Variants in LARP6 observed in about 807,000 individuals in gnomAD.
The protein encoded by LARP6 is La ribonucleoprotein 6, translational regulator.
A neutral mutation model predicts 32.8 loss-of-function variants in LARP6; 18 were observed. The ratio of observed to expected loss-of-function variants is 0.55; its 90% CI spans 0.38 to 0.81. LARP6 has a LOEUF of 0.81. Ranked by LOEUF, LARP6 falls within the 40% of genes least tolerant of loss-of-function variation. The pLI, the probability that LARP6 is intolerant of heterozygous loss-of-function variation, is 0.00. For synonymous variants in LARP6, 289 were observed against 267.2 expected (o/e 1.08, Z -0.80); for missense variants, 598 against 663.1 (o/e 0.90, Z 1.08).
intron 1 of LARP6, among the ~76,000 whole-genome samples, chr15:70,836,707 C>G (rs1438704151): frequency 1.3e-5 from 2 of 152,030 alleles, no homozygotes; most frequent in African/African-American, 2.4e-5. Flanking sequence ...GGGTCCTTAC[C>G]AAAGGGGTAA....
chr15:70,840,901 C>A (rs1298931792), intron 1 of LARP6, among the ~76,000 whole-genome samples: 1 of 142,966 alleles, frequency 7.0e-6, no homozygotes, highest in Admixed American at 8.1e-5. Context: ...AGTATAATTT[C>A]TCTTTTCTCT....
At position 70,832,024 on chromosome 15, in the gene LARP6, T is replaced by TG. The variant is rs1456848859; in HGVS notation, c.*27dup. The TG allele has an allele frequency of 3.5e-6, 5 of 1,429,276 alleles. No homozygotes were observed. Among genetic ancestry groups the TG allele is most frequent in the Non-Finnish European group, 3.7e-6 (4 of 1,074,718 alleles). 88.5% of individuals were successfully genotyped at this position (1,429,276 alleles called of 1,614,324 possible). On this transcript the variant is annotated 3_prime_UTR_variant, in exon 3 of 3. Transcript: ENST00000299213. ...CCTTGAAAACGAAGGTGGTTTTCAGTGGAGCTTGTATTAAAAATAGAAGGT... is the reference window on the plus strand; with the variant it reads ...CCTTGAAAACGAAGGTGGTTTTCAGTGGGAGCTTGTATTAAAAATAGAAGGT...
intron 1 of LARP6, chr15:70,851,618 C>T (rs2032455080): frequency 6.2e-7 from 1 of 1,609,040 alleles, no homozygotes; most frequent in Non-Finnish European, 8.5e-7. Flanking sequence ...TAGAGATACG[C>T]ATTCAGTCAA....
At chr15:70,853,861 C>T in intron 1 of LARP6, 28 bp downstream of exon 1, 1 of 1,239,604 alleles carries the variant, frequency 8.1e-7, no homozygotes. Flanking sequence ...CCTCGGGGCC[C>T]ACCTCCCGGG....
chr15:70,840,760 G>C lies in LARP6; in HGVS notation c.201-4255C>G, dbSNP rs192555529. 2.0e-3 allele frequency among the ~76,000 whole-genome samples: 298 copies of C among 152,190 alleles called. 2 individuals are homozygous for C. The highest frequency in any genetic ancestry group is 6.6e-3 in the African/African-American group (276 of 41,530). On this transcript the variant is annotated intron_variant, in intron 1 of 2. Coordinates refer to ENST00000299213, the MANE Select transcript of LARP6 (RefSeq NM_018357.4). ...TACAAATAGCTAGTATCTCAGAAGT[G>C]ACTGCACTACGAAAGGGACCCCTGT...
At chr15:70,842,984 T>C (rs8030892) in intron 1 of LARP6, among the ~76,000 whole-genome samples, 79,251 of 152,042 alleles carry the variant, frequency 0.52, 21,676 homozygotes, top group Admixed American at 0.71. Context: ...AGCCTTCAAA[T>C]GGGAAAAGAT....
intron 1 of LARP6, among the ~76,000 whole-genome samples, chr15:70,847,512 G>T (rs746389719): frequency 6.6e-6 from 1 of 152,038 alleles, no homozygotes; most frequent in Admixed American, 6.6e-5. Context: ...TGGGACTACA[G>T]GTGCGCACCA....
chr15:70,852,191 C>T, intron 1 of LARP6: 1 of 424,240 alleles, frequency 2.4e-6, no homozygotes, highest in South Asian at 1.7e-5. Context: ...TCTCCTCCTG[C>T]TCTGGGTGCC....
intron 1 of LARP6, among the ~76,000 whole-genome samples, chr15:70,847,345 A>T (rs796579561): frequency 1.6e-4 from 25 of 152,182 alleles, no homozygotes; most frequent in African/African-American, 6.0e-4. Flanking sequence ...TAAAACAGGT[A>T]ATTGGGTTCC....
chr15:70,832,844 T>C lies in LARP6; in HGVS notation c.684A>G (p.Ser228=), dbSNP rs747856303. The C allele has an allele frequency of 1.2e-6, 2 of 1,612,924 alleles. No homozygotes were observed. Among genetic ancestry groups the C allele is most frequent in the South Asian group, 2.2e-5 (2 of 90,862 alleles). ...LKLFGTFGVI[S]SVRILKPGRE... ...TCCCAGGTTTGAGGATCCGCACTGA[T>C]GAGATGACTCCAAAAGTCCCAAAAA... Residue 228 remains serine (S), a synonymous_variant, in exon 3 of 3, where the codon TCA becomes TCG. Coordinates refer to ENST00000299213, the MANE Select transcript of LARP6 (RefSeq NM_018357.4).
At position 70,832,877 on chromosome 15, in the gene LARP6, C is replaced by T. The variant is rs2032079691; in HGVS notation, c.651G>A (p.Leu217=). The change falls in exon 3 of 3, where the codon CTG becomes CTA. Residue 217 remains leucine, a synonymous_variant. Coordinates refer to ENST00000299213, the MANE Select transcript of LARP6 (RefSeq NM_018357.4). ...GRVQEKVMEH[L]LKLFGTFGVI... The stretch of plus-strand genomic sequence containing the variant: ...CTCCAAAAGTCCCAAAAAGCTTGAG[C>T]AGGTGTTCCATCACCTTCTCTTGCA... The T allele has an allele frequency of 1.2e-6, 2 of 1,609,018 alleles. No homozygotes were observed. The highest frequency in any genetic ancestry group is 1.1e-5 in the South Asian group (1 of 90,064).
At position 70,832,811 on chromosome 15, in the gene LARP6, C is replaced by A. The variant is rs754090085; in HGVS notation, c.717G>T (p.Leu239=). The A allele has an allele frequency of 3.1e-6, 5 of 1,612,634 alleles. No individual in the cohort carries two copies. Among genetic ancestry groups the A allele is most frequent in the South Asian group, 1.1e-5 (1 of 90,826 alleles). ...SVRILKPGRE[L]PPDIRRISSR... is the part of the protein sequence containing the mutation. ...TGCTGATCCTCCGGATGTCAGGGGG[C>A]AGCTCTCTCCCAGGTTTGAGGATCC... is the stretch of plus-strand genomic sequence containing the variant. Residue 239 remains leucine (L), a synonymous_variant, in exon 3 of 3, where the codon CTG becomes CTT. Coordinates refer to ENST00000299213, the MANE Select transcript of LARP6 (RefSeq NM_018357.4).
Position 70,832,103 on chromosome 15 carries a change from A to G in LARP6, c.1425T>C (p.Pro475=). 1 of 1,572,516 alleles carries G rather than the reference A, an allele frequency of 6.4e-7. No homozygotes were observed. Among genetic ancestry groups the G allele is most frequent in the Non-Finnish European group, 8.6e-7 (1 of 1,160,220 alleles). Residue 475 remains proline, a synonymous_variant, in exon 3 of 3, where the codon CCT becomes CCC. Transcript: ENST00000299213. ...PVGVLRLPRG[P]DNTRGFHGHE... Reference sequence around the variant, plus strand: ...GGCCATGAAATCCTCTGGTGTTGTCAGGACCCCTGGGCAACCTCAGCACCC... The same window carrying G: ...GGCCATGAAATCCTCTGGTGTTGTCGGGACCCCTGGGCAACCTCAGCACCC...
intron 1 of LARP6, among the ~76,000 whole-genome samples, chr15:70,838,294 C>A (rs1354350976): frequency 6.6e-6 from 1 of 152,102 alleles, no homozygotes; most frequent in Non-Finnish European, 1.5e-5. Context: ...TCATGATAGT[C>A]CCTACCCTCA....
chr15:70,848,399 G>A (rs1017966225), intron 1 of LARP6, among the ~76,000 whole-genome samples: 1 of 152,160 alleles, frequency 6.6e-6, no homozygotes, highest in Admixed American at 6.5e-5. Flanking sequence ...ACGTATATCA[G>A]GCACTTAGTT....
chr15:70,844,158 T>C (rs539528307), intron 1 of LARP6, among the ~76,000 whole-genome samples: 141 of 152,010 alleles, frequency 9.3e-4, no homozygotes, highest in Non-Finnish European at 1.5e-3. Flanking sequence ...AGTTTCACCA[T>C]GTTGGCCAGG....
chr15:70,845,420 T>C (rs1280656745), intron 1 of LARP6, among the ~76,000 whole-genome samples: 1 of 152,192 alleles, frequency 6.6e-6, no homozygotes. Context: ...ATGTTCTCTG[T>C]CATGATTAGA....
At chr15:70,852,299 T>C (rs778642752) in intron 1 of LARP6, 1 of 455,700 alleles carries the variant, frequency 2.2e-6, no homozygotes, top group South Asian at 1.6e-5. Context: ...GACTGAACAC[T>C]TGCTGAGACT....
At chr15:70,853,017 G>A (rs953402257) in intron 1 of LARP6, among the ~76,000 whole-genome samples, 1 of 152,200 alleles carries the variant, frequency 6.6e-6, no homozygotes, top group Admixed American at 6.5e-5. Context: ...CCACCAGAAT[G>A]TGCAAGTTCT....
Sources: gnomAD v4.1 joint callset for allele counts (sites outside exome capture counted in the v4.1 genomes callset) on GRCh38, gnomAD v4.1.1 for gene constraint, MANE v1.5 for transcripts, NCBI Gene and HGNC (gene_info 2026-07-23, HGNC 2026-07-21) for gene names.